The following ETV6 variants were observed in gnomAD, a reference collection of about 807,000 sequenced individuals.
The protein encoded by ETV6 is transcription factor ETV6.
Under a neutral mutation model 51.1 loss-of-function variants are expected in ETV6, and 16 were observed. That is an observed-to-expected ratio of 0.31 (90% confidence interval 0.21 to 0.48). ETV6 has a LOEUF of 0.48. ETV6 is among the 20% of genes least tolerant of loss of function. ETV6 has a pLI of 0.99. For synonymous variants in ETV6, 240 were observed against 224.1 expected (o/e 1.07, Z -0.64); for missense variants, 458 against 594.8 (o/e 0.77, Z 2.39).
At chr12:11,865,139 T>C (rs1031186363) in intron 4 of ETV6, among the ~76,000 whole-genome samples, 10 of 151,646 alleles carry the variant, frequency 6.6e-5, no homozygotes, top group African/African-American at 2.4e-4. Flanking sequence ...TAGTCCCAGC[T>C]ACTCAGGAGG....
chr12:11,735,013 C>T (rs1381878633), intron 1 of ETV6, among the ~76,000 whole-genome samples: 6 of 147,740 alleles, frequency 4.1e-5, no homozygotes, highest in African/African-American at 1.5e-4. Context: ...TCTTCATCTT[C>T]TACTTATTAA....
chr12:11,672,120 T>TA (rs1271618655), intron 1 of ETV6, among the ~76,000 whole-genome samples: 1 of 152,012 alleles, frequency 6.6e-6, no homozygotes, highest in Non-Finnish European at 1.5e-5. Context: ...GGGCTCATTG[T>TA]AAGGTGAGAG....
intron 4 of ETV6, among the ~76,000 whole-genome samples, chr12:11,864,235 A>C (rs546893955): frequency 6.6e-6 from 1 of 152,296 alleles, no homozygotes; most frequent in East Asian, 1.9e-4. Flanking sequence ...AGACTTCCTA[A>C]GGCCTGCCCT....
chr12:11,666,969 T>A (rs1482556019), intron 1 of ETV6, among the ~76,000 whole-genome samples: 3 of 152,220 alleles, frequency 2.0e-5, no homozygotes, highest in Non-Finnish European at 2.9e-5. Flanking sequence ...CCTCGAGGGC[T>A]TGTGCAGTAG....
At chr12:11,881,368 C>G (rs932438867) in intron 5 of ETV6, among the ~76,000 whole-genome samples, 3 of 152,046 alleles carry the variant, frequency 2.0e-5, no homozygotes, top group African/African-American at 7.3e-5. Context: ...AATATTAAGC[C>G]ACAGCTGAGT....
At chr12:11,687,422 T>TC (rs1864655464) in intron 1 of ETV6, among the ~76,000 whole-genome samples, 1 of 151,918 alleles carries the variant, frequency 6.6e-6, no homozygotes. Flanking sequence ...ATTCAGATGA[T>TC]CCACCCGCGT....
intron 1 of ETV6, among the ~76,000 whole-genome samples, chr12:11,747,676 T>C (rs1591646620): frequency 1.3e-5 from 2 of 152,346 alleles, no homozygotes; most frequent in East Asian, 3.9e-4. Context: ...ATAGCTTTTT[T>C]CAAGTGAAAA....
intron 1 of ETV6, among the ~76,000 whole-genome samples, chr12:11,685,501 A>G (rs766647969): frequency 6.6e-6 from 1 of 152,156 alleles, no homozygotes; most frequent in African/African-American, 2.4e-5. Context: ...GGGTAAAATA[A>G]AAGTGACAAC....
In ETV6 at chr12:11,650,481, T is replaced by TAAAAAAAAAAAAAAAA. The variant is rs367594605; in HGVS notation, c.33+335_33+336insAAAAAAAAAAAAAAAA. ...AAAACACCCCCGTAATTAGTGCGCTTAAAAAAAAAAAAAACAAAAAACAAA... is the reference window on the plus strand; with the variant it reads ...AAAACACCCCCGTAATTAGTGCGCTTAAAAAAAAAAAAAAAAAAAAAAAAAAAAAACAAAAAACAAA... On this transcript the variant is annotated intron_variant, in intron 1 of 7. Transcript: ENST00000396373. Among the ~76,000 whole-genome samples the TAAAAAAAAAAAAAAAA allele has an allele frequency of 9.7e-4, 42 of 43,320 alleles. 5 individuals carry two copies. The highest frequency in any genetic ancestry group is 1.4e-3 in the South Asian group (1 of 724). 28.4% of individuals were successfully genotyped at this position (43,320 alleles called of 152,430 possible).
In ETV6 at chr12:11,892,210, ATT is replaced by A. The variant is rs35812814; in HGVS notation, c.*1186_*1187del. Reference sequence around the variant, plus strand: ...GTGGTCAGTTTCATGCCCTCACCTGATTTTTTTTTTTTTTTTTTTTTTTCAAT... The same window carrying A: ...GTGGTCAGTTTCATGCCCTCACCTGATTTTTTTTTTTTTTTTTTTTTCAAT... On this transcript the variant is annotated 3_prime_UTR_variant, in exon 8 of 8. Coordinates refer to ENST00000396373, the MANE Select transcript of ETV6 (RefSeq NM_001987.5). 0.022 allele frequency: 3,341 copies of A among 149,968 alleles called. 1 individual carries two copies. The highest frequency in any genetic ancestry group is 0.037 in the Middle Eastern group (19 of 510). 9.3% of individuals were successfully genotyped at this position (149,968 alleles called of 1,614,324 possible).
At chr12:11,739,931 AT>A (rs1182865931) in intron 1 of ETV6, among the ~76,000 whole-genome samples, 1 of 152,180 alleles carries the variant, frequency 6.6e-6, no homozygotes, top group African/African-American at 2.4e-5. Flanking sequence ...TAGAGTCATA[AT>A]TTTTCCCGTT....
intron 2 of ETV6, among the ~76,000 whole-genome samples, chr12:11,796,587 C>T (rs1945679473): frequency 6.6e-6 from 1 of 152,150 alleles, no homozygotes; most frequent in Non-Finnish European, 1.5e-5. Context: ...ATCCTAAAGG[C>T]GCCTCTTACT....
intron 2 of ETV6, among the ~76,000 whole-genome samples, chr12:11,821,037 CACTT>C (rs1331251601): frequency 2.6e-5 from 4 of 152,102 alleles, no homozygotes; most frequent in Non-Finnish European, 1.5e-5. Context: ...GAGCCAATAA[CACTT>C]ACCAATGGAC....
rs535337123 is a variant in ETV6, at chr12:11,728,516, G to T, written c.34-23934G>T. On this transcript the variant is annotated intron_variant, in intron 1 of 7. Coordinates refer to ENST00000396373, the MANE Select transcript of ETV6 (RefSeq NM_001987.5). ...TGTGTGCTTCTTATGAGAATCTAAT[G>T]ATAAATGTCATGTGCTTGAATCATC... Among the ~76,000 whole-genome samples the T allele has an allele frequency of 4.3e-4, 65 of 152,260 alleles. No homozygotes were observed. In the South Asian group the frequency reaches 0.013, roughly 31 times the overall value.
At chr12:11,819,968 A>G (rs760269977) in intron 2 of ETV6, among the ~76,000 whole-genome samples, 5 of 152,246 alleles carry the variant, frequency 3.3e-5, no homozygotes, top group Admixed American at 6.5e-5. Flanking sequence ...TGAACTCCTT[A>G]GTACAGCAGA....
chr12:11,889,212 G>A (rs958632207), intron 7 of ETV6, among the ~76,000 whole-genome samples: 3 of 152,178 alleles, frequency 2.0e-5, no homozygotes, highest in African/African-American at 7.2e-5. Flanking sequence ...GGGGATAAAA[G>A]AGGAGAAAAA....
intron 1 of ETV6, among the ~76,000 whole-genome samples, chr12:11,730,683 C>T (rs1459812759): frequency 1.3e-5 from 2 of 152,196 alleles, no homozygotes; most frequent in Admixed American, 6.5e-5. Context: ...CTCTCTCCAC[C>T]GCAGAATGTG....
In ETV6 at chr12:11,894,074, G is replaced by T. The variant is rs1200187715; in HGVS notation, c.*3028G>T. On this transcript the variant is annotated 3_prime_UTR_variant, in exon 8 of 8. Coordinates refer to ENST00000396373, the MANE Select transcript of ETV6 (RefSeq NM_001987.5). ...GTATTTACACCCTGCAGACCCTAAA[G>T]ATTTCAGATTCAGTTAGCAAACCTT... The T allele has an allele frequency of 4.4e-6, 1 of 228,202 alleles. No individual in the cohort carries two copies. Among genetic ancestry groups the T allele is most frequent in the Non-Finnish European group, 8.7e-6 (1 of 115,036 alleles). The allele number at this position is 228,202 out of a possible 1,614,324, so 14.1% of individuals were successfully genotyped here. A position where few individuals can be genotyped will look rare whatever the true frequency, so the allele number is the denominator to read the frequency against.
chr12:11,703,532 T>G (rs1865021251), intron 1 of ETV6, among the ~76,000 whole-genome samples: 2 of 152,268 alleles, frequency 1.3e-5, no homozygotes, highest in African/African-American at 4.8e-5. Flanking sequence ...ACCAAGAAGT[T>G]TATAACACAT....
Sources: gnomAD v4.1 joint callset for allele counts (sites outside exome capture counted in the v4.1 genomes callset) on GRCh38, gnomAD v4.1.1 for gene constraint, MANE v1.5 for transcripts, NCBI Gene and HGNC (gene_info 2026-07-23, HGNC 2026-07-21) for gene names.